Variants in GPIHBP1 observed in about 807,000 individuals in gnomAD.
The protein encoded by GPIHBP1 is glycosylphosphatidylinositol-anchored high density lipoprotein-binding protein 1.
Under a neutral mutation model 13.0 loss-of-function variants are expected in GPIHBP1, and 11 were observed. The observed-to-expected ratio is 0.84, with a 90% CI of 0.53 to 1.40. GPIHBP1 has a LOEUF of 1.40. Among genes scored for constraint, GPIHBP1 ranks in the 40% most tolerant of loss-of-function variants. The pLI is 0.00. For missense variants in GPIHBP1, 231 were observed against 241.1 expected (o/e 0.96, Z 0.28); for synonymous variants, 106 against 102.2 (o/e 1.04, Z -0.22).
In GPIHBP1 at chr8:143,216,414, T is replaced by G. The variant is rs1466550543; in HGVS notation, c.*896T>G. 1 of 152,140 alleles carries G rather than the reference T, an allele frequency of 6.6e-6. No individual in the cohort carries two copies. Among genetic ancestry groups the G allele is most frequent in the East Asian group, 1.9e-4 (1 of 5,178 alleles). 9.4% of individuals were successfully genotyped at this position (152,140 alleles called of 1,614,324 possible). A position where few individuals can be genotyped will look rare whatever the true frequency, so the allele number is the denominator to read the frequency against. On this transcript the variant is annotated 3_prime_UTR_variant, in exon 4 of 4. Transcript: ENST00000622500. ...AAGGAGAGGAGTAGATGAGATGGAATTTTTCCAGCCTCATCCTGGCCTGCC... is the reference window on the plus strand; with the variant it reads ...AAGGAGAGGAGTAGATGAGATGGAAGTTTTCCAGCCTCATCCTGGCCTGCC...
chr8:143,214,072 G>A lies in GPIHBP1; in HGVS notation c.181+122G>A, dbSNP rs979487601. The A allele has an allele frequency of 6.5e-5, 85 of 1,307,922 alleles. No homozygotes were observed. In the South Asian group the frequency reaches 8.3e-4, roughly 13 times the overall value. The allele number at this position is 1,307,922 out of a possible 1,614,324, so 81.0% of individuals were successfully genotyped here. On this transcript the variant is annotated intron_variant, in intron 2 of 3. Transcript: ENST00000622500. The surrounding 1 kb of genome is among the most constrained non-coding windows in gnomAD (Gnocchi z 4.1). ...GTGAGCTTGCCTCCAGCAGAGTGGG[G>A]GACACTCAGTACACCCCTCACTGCT...
rs59410385 is a variant in GPIHBP1 at position 143,214,389 on chromosome 8, G to C, written c.181+439G>C. ...TTAGAGCAGAGCAGAGTAGGGCTAA[G>C]AAGAGCCCACCCTCACTGCCCACCT... is the stretch of plus-strand genomic sequence containing the variant. On this transcript the variant is annotated intron_variant, in intron 2 of 3. Transcript: ENST00000622500. This position sits in a 1 kb window ranked among gnomAD's most constrained non-coding sequence, Gnocchi z 4.1. Among the ~76,000 whole-genome samples, 6,131 of 152,080 alleles carry C rather than the reference G, an allele frequency of 0.04. 386 individuals are homozygous for C. Among genetic ancestry groups the C allele is most frequent in the African/African-American group, 0.14 (5,808 of 41,438 alleles).
rs1816311311 is a variant in GPIHBP1, at chr8:143,216,334, T to C, written c.*816T>C. 1 of 151,594 alleles carries C rather than the reference T, an allele frequency of 6.6e-6. No individual in the cohort carries two copies. The highest frequency in any genetic ancestry group is 1.5e-5 in the Non-Finnish European group (1 of 68,084). 9.4% of individuals were successfully genotyped at this position (151,594 alleles called of 1,614,324 possible). ...GCGCCTGAGGCTGGGAATACCTGTC[T>C]CTGCTCTAGCAGAGGCTAAAGCAGG... On this transcript the variant is annotated 3_prime_UTR_variant, in exon 4 of 4. Transcript: ENST00000622500.
chr8:143,213,251 C>T lies in GPIHBP1; in HGVS notation c.-17C>T. The T allele has an allele frequency of 6.3e-7, 1 of 1,589,082 alleles. No individual in the cohort carries two copies. On this transcript the variant is annotated 5_prime_UTR_variant, in exon 1 of 4. Transcript: ENST00000622500. ...GCGGGAGGACTCAGAGTCAGGGACA[C>T]AGCAGCGTCCGGCGAGATGAAGGCG...
rs769712017 is a variant in GPIHBP1 at position 143,215,109 on chromosome 8, T to C, written c.278T>C (p.Ile93Thr). The change falls in exon 3 of 4, where the codon ATT becomes ACT. Residue 93 changes from isoleucine (I) to threonine (T), a missense_variant. Coordinates refer to ENST00000622500, the MANE Select transcript of GPIHBP1 (RefSeq NM_178172.6). ...CATGGCCAGACCTGCACAACCCTCA[T>C]TGCCCACGGGAACACCGGTAAGTGG... ...CSHGQTCTTLIAHGNTESGLL... is the reference protein window; with the variant it reads ...CSHGQTCTTLTAHGNTESGLL... 4 of 1,612,524 alleles carry C rather than the reference T, an allele frequency of 2.5e-6. No homozygotes were observed. The South Asian group carries it at 3.3e-5, about 13-fold the overall frequency.
Position 143,213,842 on chromosome 8 carries a change from G to C in GPIHBP1, c.73G>C (p.Glu25Gln). ...GRPGRGQTQQ[E>Q]EEEEDEDHGP... is the part of the protein sequence containing the mutation. Reference sequence around the variant, plus strand: ...GCCAGGGAGAGGGCAGACACAGCAGGAGGAAGAGGAAGAGGACGAGGACCA... The same window carrying C: ...GCCAGGGAGAGGGCAGACACAGCAGCAGGAAGAGGAAGAGGACGAGGACCA... The change falls in exon 2 of 4, where the codon GAG becomes CAG. Residue 25 changes from glutamate to glutamine, a missense_variant. Coordinates refer to ENST00000622500, the MANE Select transcript of GPIHBP1 (RefSeq NM_178172.6). 1 of 1,560,550 alleles carries C rather than the reference G, an allele frequency of 6.4e-7. No individual in the cohort carries two copies. Among genetic ancestry groups the C allele is most frequent in the Non-Finnish European group, 8.7e-7 (1 of 1,152,488 alleles).
Position 143,214,024 on chromosome 8 carries a change from A to G in GPIHBP1, c.181+74A>G. On this transcript the variant is annotated intron_variant, in intron 2 of 3. Coordinates refer to ENST00000622500, the MANE Select transcript of GPIHBP1 (RefSeq NM_178172.6). This position sits in a 1 kb window ranked among gnomAD's most constrained non-coding sequence, Gnocchi z 4.1. Reference sequence around the variant, plus strand: ...ATTCTGGGCGGGGCTGTGTGATGGAAGCCAGCAGGCCACAGTCCTGCTGTG... The same window carrying G: ...ATTCTGGGCGGGGCTGTGTGATGGAGGCCAGCAGGCCACAGTCCTGCTGTG... The G allele has an allele frequency of 6.5e-7, 1 of 1,538,886 alleles. No individual in the cohort carries two copies. Among genetic ancestry groups the G allele is most frequent in the South Asian group, 1.2e-5 (1 of 83,274 alleles).
rs1398231770 is a variant in GPIHBP1, at chr8:143,215,095, C to T, written c.264C>T (p.Thr88=). 1 of 1,612,574 alleles carries T rather than the reference C, an allele frequency of 6.2e-7. No homozygotes were observed. The highest frequency in any genetic ancestry group is 1.1e-5 in the South Asian group (1 of 91,076). ...NLTQNCSHGQ[T]CTTLIAHGNT... is the part of the protein sequence containing the mutation. ...CGCAGAACTGCTCACATGGCCAGAC[C>T]TGCACAACCCTCATTGCCCACGGGA... The change falls in exon 3 of 4, where the codon ACC becomes ACT. Residue 88 remains threonine (T), a synonymous_variant. Coordinates refer to ENST00000622500, the MANE Select transcript of GPIHBP1 (RefSeq NM_178172.6).
In GPIHBP1 at chr8:143,216,109, G is replaced by GC. The variant is rs1411010335; in HGVS notation, c.*591_*592insC. 9 of 150,512 alleles carry GC rather than the reference G, an allele frequency of 6.0e-5. No homozygotes were observed. Among genetic ancestry groups the GC allele is most frequent in the African/African-American group, 1.7e-4 (7 of 40,632 alleles). 9.3% of individuals were successfully genotyped at this position (150,512 alleles called of 1,614,324 possible). On this transcript the variant is annotated 3_prime_UTR_variant, in exon 4 of 4. Transcript: ENST00000622500. ...GCCACATGCGGAGGGGCGGGGCGGG[G>GC]GGGGGCTGGGGGGACAGGCACCAAG...
Position 143,215,247 on chromosome 8 carries a change from T to G in GPIHBP1, c.296-12T>G, listed in dbSNP as rs1477624844. 1 of 1,612,708 alleles carries G rather than the reference T, an allele frequency of 6.2e-7. No individual in the cohort carries two copies. Among genetic ancestry groups the G allele is most frequent in the African/African-American group, 1.3e-5 (1 of 74,836 alleles). ...CCCATCCTCAGCACTTGTTCCCCAC[T>G]CCCCTTCCCAGAGTCAGGCCTCCTG... On this transcript the variant is annotated splice_polypyrimidine_tract_variant and intron_variant, in intron 3 of 3. Transcript: ENST00000622500.
chr8:143,213,807 T>A lies in GPIHBP1; in HGVS notation c.53-15T>A, dbSNP rs749063365. The stretch of plus-strand genomic sequence containing the variant: ...CCCGGGTAGCTGAGGCTTACAAGCA[T>A]CCCTGCACGGCCAGGGAGAGGGCAG... On this transcript the variant is annotated splice_polypyrimidine_tract_variant and intron_variant, in intron 1 of 3. Coordinates refer to ENST00000622500, the MANE Select transcript of GPIHBP1 (RefSeq NM_178172.6). 8.3e-6 allele frequency: 13 copies of A among 1,572,594 alleles called. No individual in the cohort carries two copies. Among genetic ancestry groups the A allele is most frequent in the Admixed American group, 5.5e-5 (3 of 54,308 alleles).
At chr8:143,213,761 C>G in intron 1 of GPIHBP1, 61 bp from the exon 2 acceptor site, 1 of 1,568,406 alleles carries the variant, frequency 6.4e-7, no homozygotes, top group Non-Finnish European at 8.6e-7. Context: ...CGATGCTTGC[C>G]CAGAGCAGGT....
In GPIHBP1 at chr8:143,215,863, C is replaced by A; in HGVS notation, c.*345C>A. 1 of 384,202 alleles carries A rather than the reference C, an allele frequency of 2.6e-6. No individual in the cohort carries two copies. The highest frequency in any genetic ancestry group is 4.8e-6 in the Non-Finnish European group (1 of 210,346). The allele number at this position is 384,202 out of a possible 1,614,324, so 23.8% of individuals were successfully genotyped here. ...CACCACACACCTGGGGGCCCCCACA[C>A]CCAGTCCTCACCCTTAACTTCTGCC... is the stretch of plus-strand genomic sequence containing the variant. On this transcript the variant is annotated 3_prime_UTR_variant, in exon 4 of 4. Coordinates refer to ENST00000622500, the MANE Select transcript of GPIHBP1 (RefSeq NM_178172.6).
chr8:143,215,547 C>G lies in GPIHBP1; in HGVS notation c.*29C>G, dbSNP rs774794706. 22 of 1,513,964 alleles carry G rather than the reference C, an allele frequency of 1.5e-5. No homozygotes were observed. The highest frequency in any genetic ancestry group is 1.7e-5 in the Non-Finnish European group (19 of 1,127,648). 93.8% of individuals were successfully genotyped at this position (1,513,964 alleles called of 1,614,324 possible). ...ACGGCCCCTCCCCACCCCCACCCGG[C>G]TCACCCCCGGCCCTGCCAGCACTCT... On this transcript the variant is annotated 3_prime_UTR_variant, in exon 4 of 4. Transcript: ENST00000622500.
rs1325904686 is a variant in GPIHBP1 at position 143,215,053 on chromosome 8, C to T, written c.222C>T (p.Asp74=). The T allele has an allele frequency of 6.2e-6, 10 of 1,603,998 alleles. No homozygotes were observed. In the African/African-American group the frequency reaches 8.1e-5, roughly 13 times the overall value. The change falls in exon 3 of 4, where the codon GAC becomes GAT. Residue 74 remains aspartate (D), a synonymous_variant. Transcript: ENST00000622500. Reference sequence around the variant, plus strand: ...ACACCTGCAAGTCCCTGCCCAGGGACGAGCGCTGCAACCTGACGCAGAACT... The same window carrying T: ...ACACCTGCAAGTCCCTGCCCAGGGATGAGCGCTGCAACCTGACGCAGAACT... The part of the protein sequence containing the change: ...RCYTCKSLPR[D]ERCNLTQNCS...
rs768749238 is a variant in GPIHBP1, at chr8:143,214,998, C to T, written c.182-15C>T. On this transcript the variant is annotated splice_polypyrimidine_tract_variant and intron_variant, in intron 2 of 3. Coordinates refer to ENST00000622500, the MANE Select transcript of GPIHBP1 (RefSeq NM_178172.6). This position sits in a 1 kb window ranked among gnomAD's most constrained non-coding sequence, Gnocchi z 4.1. ...TGGGGGGCCCGGCCTCGGCCTGAGC[C>T]CGCCTTGTCCCCAGTGCTGCTGCGG... is the stretch of plus-strand genomic sequence containing the variant. The T allele has an allele frequency of 6.5e-7, 1 of 1,543,432 alleles. No homozygotes were observed. Among genetic ancestry groups the T allele is most frequent in the Non-Finnish European group, 8.8e-7 (1 of 1,138,592 alleles).
At position 143,214,592 on chromosome 8, in the gene GPIHBP1, C is replaced by T. The variant is rs1586694837; in HGVS notation, c.182-421C>T. 6.6e-6 allele frequency among the ~76,000 whole-genome samples: 1 copy of T among 151,938 alleles called. No homozygotes were observed. The highest frequency in any genetic ancestry group is 2.4e-5 in the African/African-American group (1 of 41,318). On this transcript the variant is annotated intron_variant, in intron 2 of 3. Transcript: ENST00000622500. This position sits in a 1 kb window ranked among gnomAD's most constrained non-coding sequence, Gnocchi z 4.1. ...GCATGCCCCACCACACACAGCCCAC[C>T]CCCCTCCCAGGAGCCCCAAGCCTGC...
Position 143,215,311 on chromosome 8 carries a change from C to T in GPIHBP1, c.348C>T (p.Pro116=), listed in dbSNP as rs764329208. The T allele has an allele frequency of 4.3e-6, 7 of 1,612,940 alleles. No homozygotes were observed. Among genetic ancestry groups the T allele is most frequent in the Non-Finnish European group, 4.2e-6 (5 of 1,180,002 alleles). ...CGTGGTGCACAGACAGCTGCCAGCC[C>T]ATCACCAAGACGGTGGAGGGGACCC... The part of the protein sequence containing the change: ...HSTWCTDSCQ[P]ITKTVEGTQV... The change falls in exon 4 of 4, where the codon CCC becomes CCT. Residue 116 remains proline (P), a synonymous_variant. Transcript: ENST00000622500.
Position 143,213,254 on chromosome 8 carries a change from C to G in GPIHBP1, c.-14C>G. 6.3e-7 allele frequency: 1 copy of G among 1,589,718 alleles called. No individual in the cohort carries two copies. On this transcript the variant is annotated 5_prime_UTR_variant, in exon 1 of 4. Coordinates refer to ENST00000622500, the MANE Select transcript of GPIHBP1 (RefSeq NM_178172.6). The stretch of plus-strand genomic sequence containing the variant: ...GGAGGACTCAGAGTCAGGGACACAG[C>G]AGCGTCCGGCGAGATGAAGGCGCTC...
Sources: allele counts gnomAD v4.1 joint callset (sites outside exome capture counted in the v4.1 genomes callset), GRCh38; gene constraint gnomAD v4.1.1; non-coding constraint Gnocchi (gnomAD v3.1); transcripts MANE v1.5; gene names NCBI Gene and HGNC (gene_info 2026-07-23, HGNC 2026-07-21).